TAFA2: variants seen among roughly 807,000 people sequenced by gnomAD.
The protein encoded by TAFA2 is TAFA chemokine like family member 2, also known as chemokine-like protein TAFA-2.
In TAFA2, 7 loss-of-function variants were observed where a neutral mutation model predicts 18.8. That is an observed-to-expected ratio of 0.37 (90% CI 0.21 to 0.70). TAFA2 has a LOEUF of 0.70. Among genes scored for constraint, TAFA2 ranks in the 30% least tolerant of loss-of-function variants. The pLI, the probability that TAFA2 is intolerant of heterozygous loss-of-function variation, is 0.53. For synonymous variants in TAFA2, 60 were observed against 54.2 expected, an observed-to-expected ratio of 1.11 and a Z score of -0.47; for missense variants, 122 against 158.1, an observed-to-expected ratio of 0.77 and a Z score of 1.23.
At chr12:62,204,154 G>T (rs574647176) in intron 1 of TAFA2, among the ~76,000 whole-genome samples, 10 of 152,048 alleles carry the variant, frequency 6.6e-5, no homozygotes, top group African/African-American at 2.4e-4. Flanking sequence ...TAAGAATGTT[G>T]AATATTGGCC....
intron 1 of TAFA2, chr12:62,235,605 GTTGTT>G: frequency 3.6e-6 from 1 of 277,452 alleles, no homozygotes; most frequent in African/African-American, 2.2e-5. Flanking sequence ...ATTGCCCCTG[GTTGTT>G]TTGTAACTCC....
At chr12:62,005,380 TCTTC>T (rs1880513086) in intron 1 of TAFA2, among the ~76,000 whole-genome samples, 2 of 152,114 alleles carry the variant, frequency 1.3e-5, no homozygotes, top group Non-Finnish European at 2.9e-5. Context: ...TAGCCTTGCT[TCTTC>T]CTTCCTTCCA....
At chr12:61,755,893 A>G (rs1231342973) in intron 2 of TAFA2, among the ~76,000 whole-genome samples, 1 of 152,058 alleles carries the variant, frequency 6.6e-6, no homozygotes, top group Non-Finnish European at 1.5e-5. Context: ...GAAAAGATAA[A>G]ACTTTTGCCT....
intron 1 of TAFA2, among the ~76,000 whole-genome samples, chr12:62,109,360 C>T (rs1869615274): frequency 6.6e-6 from 1 of 152,126 alleles, no homozygotes; most frequent in Non-Finnish European, 1.5e-5. Flanking sequence ...GGTACCAGTA[C>T]CATGCTGTTT....
rs576877241 is a variant in TAFA2, at chr12:61,954,558, C to A, written c.-1-87132G>T. On this transcript the variant is annotated intron_variant, in intron 1 of 4. Coordinates refer to ENST00000416284, the MANE Select transcript of TAFA2 (RefSeq NM_178539.5). ...AACACAAAACACACACACACACACACAAAATTTGGTATTATTGCTTACAGA... is the reference window on the plus strand; with the variant it reads ...AACACAAAACACACACACACACACAAAAAATTTGGTATTATTGCTTACAGA... Among the ~76,000 whole-genome samples, 4 of 152,110 alleles carry A rather than the reference C, an allele frequency of 2.6e-5. No homozygotes were observed. The East Asian group carries it at 5.8e-4, about 22-fold the overall frequency.
chr12:61,842,256 CA>C (rs1178474146), intron 2 of TAFA2, among the ~76,000 whole-genome samples: 1 of 142,768 alleles, frequency 7.0e-6, no homozygotes, highest in African/African-American at 2.5e-5. Context: ...CTCAATTAAA[CA>C]GCTTCCCCCA....
intron 1 of TAFA2, among the ~76,000 whole-genome samples, chr12:62,010,191 T>C (rs541774928): frequency 7.4e-6 from 1 of 135,418 alleles, no homozygotes; most frequent in South Asian, 2.9e-4. Context: ...CCCATTTCTT[T>C]ATTTGGTCTC....
At chr12:62,151,447 A>G (rs1377841635) in intron 1 of TAFA2, among the ~76,000 whole-genome samples, 2 of 152,248 alleles carry the variant, frequency 1.3e-5, no homozygotes, top group African/African-American at 4.8e-5. Context: ...ATAAAAAGGA[A>G]GGTCTTCTTT....
rs1555186761 is a variant in TAFA2 at position 62,059,157 on chromosome 12, G to GTGTGTGTGTGTGTGTA, written c.-2+132101_-2+132102insTACACACACACACACA. 8.9e-4 allele frequency among the ~76,000 whole-genome samples: 134 copies of GTGTGTGTGTGTGTGTA among 150,600 alleles called. 1 individual carries two copies. The highest frequency in any genetic ancestry group is 4.4e-3 in the South Asian group (21 of 4,750). On this transcript the variant is annotated intron_variant, in intron 1 of 4. Coordinates refer to ENST00000416284, the MANE Select transcript of TAFA2 (RefSeq NM_178539.5). Reference sequence around the variant, plus strand: ...TGTGTATATGTGTGTGTGTGTGTGTGTGTGTGTGTGTGTATCTGAGTGTTC... The same window carrying GTGTGTGTGTGTGTGTA: ...TGTGTATATGTGTGTGTGTGTGTGTGTGTGTGTGTGTGTGTATGTGTGTGTGTGTATCTGAGTGTTC...
At chr12:62,167,931 T>C (rs77291707) in intron 1 of TAFA2, among the ~76,000 whole-genome samples, 3,681 of 152,276 alleles carry the variant, frequency 0.024, 160 homozygotes, top group African/African-American at 0.082. Context: ...ATGAAAATAA[T>C]ATCTGCAATG....
At chr12:61,851,643 C>T (rs1873654004) in intron 2 of TAFA2, among the ~76,000 whole-genome samples, 1 of 151,012 alleles carries the variant, frequency 6.6e-6, no homozygotes, top group South Asian at 2.1e-4. Flanking sequence ...GGCGTGGCGG[C>T]GGGGGCCTAT....
At chr12:61,721,072 G>A in intron 4 of TAFA2, 1 of 393,962 alleles carries the variant, frequency 2.5e-6, no homozygotes. Flanking sequence ...AGTGGGGATA[G>A]GTTTGTATCT....
chr12:61,860,189 G>C (rs1874069221), intron 2 of TAFA2, among the ~76,000 whole-genome samples: 1 of 152,140 alleles, frequency 6.6e-6, no homozygotes, highest in South Asian at 2.1e-4. Context: ...AATAATTTCT[G>C]CATGGAAAAA....
chr12:62,233,831 C>T (rs770161068), intron 1 of TAFA2, among the ~76,000 whole-genome samples: 2 of 152,200 alleles, frequency 1.3e-5, no homozygotes, highest in Non-Finnish European at 2.9e-5. Context: ...ACCTGGATGT[C>T]CATCCCAGGT....
chr12:61,719,923 A>G (rs1004025038), intron 4 of TAFA2, among the ~76,000 whole-genome samples: 4 of 152,178 alleles, frequency 2.6e-5, no homozygotes, highest in Non-Finnish European at 5.9e-5. Context: ...ATCATTCTAT[A>G]TGTGGTAAAT....
intron 1 of TAFA2, among the ~76,000 whole-genome samples, chr12:61,929,041 G>A (rs569334200): frequency 5.6e-4 from 85 of 152,124 alleles, no homozygotes; most frequent in African/African-American, 2.0e-3. Context: ...ATAGCATTAG[G>A]AGAAATATCT....
chr12:61,822,830 A>T (rs531180924), intron 2 of TAFA2, among the ~76,000 whole-genome samples: 1 of 152,292 alleles, frequency 6.6e-6, no homozygotes, highest in East Asian at 1.9e-4. Context: ...AAATAAGTAA[A>T]TGAATGAGTG....
At chr12:61,988,703 G>A (rs954098259) in intron 1 of TAFA2, among the ~76,000 whole-genome samples, 2 of 152,144 alleles carry the variant, frequency 1.3e-5, no homozygotes, top group African/African-American at 2.4e-5. Context: ...CTAAGGTTTA[G>A]TGATGCAACT....
At chr12:61,884,066 T>G (rs1477070087) in intron 1 of TAFA2, among the ~76,000 whole-genome samples, 1 of 152,052 alleles carries the variant, frequency 6.6e-6, no homozygotes, top group African/African-American at 2.4e-5. Context: ...TAGAGAGATA[T>G]GAAGAAAGTA....
Sources: gnomAD v4.1 joint callset for allele counts (sites outside exome capture counted in the v4.1 genomes callset) on GRCh38, gnomAD v4.1.1 for gene constraint, MANE v1.5 for transcripts, NCBI Gene and HGNC (gene_info 2026-07-23, HGNC 2026-07-21) for gene names.